Variants in KCNN2 observed in about 807,000 individuals in gnomAD.
The protein encoded by KCNN2 is small conductance calcium-activated potassium channel protein 2.
A neutral mutation model predicts 55.5 loss-of-function variants in KCNN2; 24 were observed. The observed-to-expected ratio is 0.43, with a 90% CI of 0.31 to 0.61. KCNN2 has a LOEUF of 0.61. Among genes scored for constraint, KCNN2 ranks in the 20% least tolerant of loss-of-function variants. The pLI, the probability that KCNN2 is intolerant of heterozygous loss-of-function variation, is 0.08. For missense variants in KCNN2, 754 were observed against 853.6 expected, an observed-to-expected ratio of 0.88 and a Z score of 1.45; for synonymous variants, 431 against 336.1, an observed-to-expected ratio of 1.28 and a Z score of -3.09.
At chr5:114,367,650 A>ATTT (rs577014520) in intron 2 of KCNN2, among the ~76,000 whole-genome samples, 1 of 143,412 alleles carries the variant, frequency 7.0e-6, no homozygotes. Context: ...TTTCAGTGAC[A>ATTT]TTTTTTTTTT....
intron 4 of KCNN2, among the ~76,000 whole-genome samples, chr5:114,465,606 C>CCAT (rs1466578183): frequency 6.8e-6 from 1 of 147,088 alleles, no homozygotes; most frequent in Non-Finnish European, 1.5e-5. Flanking sequence ...GAGTGAAACT[C>CCAT]CATCATCTCA....
intron 1 of KCNN2, among the ~76,000 whole-genome samples, chr5:114,106,068 C>T (rs997667682): frequency 6.6e-6 from 1 of 151,796 alleles, no homozygotes; most frequent in African/African-American, 2.4e-5. Context: ...CAACATTTTA[C>T]TAATGAAAAA....
intron 2 of KCNN2, among the ~76,000 whole-genome samples, chr5:114,385,517 GCGCACACACA>G (rs1382080058): frequency 5.8e-4 from 52 of 88,974 alleles, no homozygotes; most frequent in African/African-American, 2.7e-3. Context: ...ACACACATGC[GCGCACACACA>G]CACACACACA....
At chr5:114,257,320 G>A (rs1179158037) in intron 2 of KCNN2, among the ~76,000 whole-genome samples, 1 of 151,752 alleles carries the variant, frequency 6.6e-6, no homozygotes, top group East Asian at 1.9e-4. Context: ...CTTTTTCTTA[G>A]GATTGCTTTG....
At chr5:114,157,895 G>A (rs1303673433) in intron 1 of KCNN2, among the ~76,000 whole-genome samples, 2 of 151,058 alleles carry the variant, frequency 1.3e-5, no homozygotes, top group Admixed American at 6.6e-5. Flanking sequence ...TGTAGATTCT[G>A]GATATTAGCC....
At chr5:114,228,470 C>CCATCTATCTA (rs1754287026) in intron 2 of KCNN2, among the ~76,000 whole-genome samples, 1 of 152,082 alleles carries the variant, frequency 6.6e-6, no homozygotes, top group East Asian at 1.9e-4. Context: ...TAACTTTTAA[C>CCATCTATCTA]CATCTATCTA....
intron 2 of KCNN2, among the ~76,000 whole-genome samples, chr5:114,249,278 C>T (rs1167742784): frequency 7.3e-5 from 4 of 54,684 alleles, no homozygotes; most frequent in Admixed American, 2.2e-4. Context: ...CTTTTTCTTT[C>T]TTTCTTTCTT....
chr5:114,379,498 CATATT>C (rs1458619649), intron 2 of KCNN2, among the ~76,000 whole-genome samples: 62 of 107,718 alleles, frequency 5.8e-4, no homozygotes, highest in African/African-American at 2.2e-3. Flanking sequence ...TATTATATAA[CATATT>C]ATATATTTAT....
At chr5:114,069,034 C>T (rs1394804699) in intron 1 of KCNN2, among the ~76,000 whole-genome samples, 11 of 152,114 alleles carry the variant, frequency 7.2e-5, no homozygotes, top group African/African-American at 1.9e-4. Flanking sequence ...AGGCTGGCCT[C>T]GAACTCCTGA....
intron 1 of KCNN2, among the ~76,000 whole-genome samples, chr5:114,125,847 A>G (rs765217327): frequency 8.5e-5 from 13 of 152,172 alleles, no homozygotes; most frequent in Non-Finnish European, 1.6e-4. Flanking sequence ...CAGCAATCAT[A>G]GTGGATTGGG....
At chr5:114,125,194 C>T (rs543250231) in intron 1 of KCNN2, among the ~76,000 whole-genome samples, 1 of 152,174 alleles carries the variant, frequency 6.6e-6, no homozygotes, top group East Asian at 1.9e-4. Context: ...ACTTTTTGTA[C>T]CCTCATGGTA....
At chr5:114,160,337 G>T (rs916257655) in intron 1 of KCNN2, among the ~76,000 whole-genome samples, 2 of 152,128 alleles carry the variant, frequency 1.3e-5, no homozygotes, top group Admixed American at 1.3e-4. Flanking sequence ...TTATTCCTGA[G>T]TTCTAGTTTG....
At chr5:114,485,506 G>A (rs1463282250) in intron 5 of KCNN2, among the ~76,000 whole-genome samples, 1 of 152,126 alleles carries the variant, frequency 6.6e-6, no homozygotes, top group Non-Finnish European at 1.5e-5. Flanking sequence ...GATGAAAAAA[G>A]CTTCTGAAAG....
intron 2 of KCNN2, among the ~76,000 whole-genome samples, chr5:114,342,048 C>T (rs1315474243): frequency 6.6e-6 from 1 of 151,974 alleles, no homozygotes; most frequent in Non-Finnish European, 1.5e-5. Context: ...ACTACAGGCA[C>T]CCGCCACCAT....
At position 114,159,981 on chromosome 5, in the gene KCNN2, G is replaced by A. The variant is rs569910989; in HGVS notation, c.-270-61499G>A. 3.3e-5 allele frequency among the ~76,000 whole-genome samples: 5 copies of A among 152,136 alleles called. No homozygotes were observed. The East Asian group carries it at 9.7e-4, about 29-fold the overall frequency. The stretch of plus-strand genomic sequence containing the variant: ...TCCTGGATTCATTGATTTTTTGAGG[G>A]GTTTTTTGTGTCTCTGTTTCCTTCA... On this transcript the variant is annotated intron_variant, in intron 1 of 10. Coordinates refer to the KCNN2 transcript ENST00000512097.
intron 3 of KCNN2, among the ~76,000 whole-genome samples, chr5:114,427,580 C>T (rs1462876155): frequency 1.3e-5 from 2 of 152,222 alleles, no homozygotes; most frequent in African/African-American, 4.8e-5. Flanking sequence ...GAGCAGTTTA[C>T]ACCATTTGGT....
chr5:114,475,869 T>C (rs1473888254), intron 5 of KCNN2, among the ~76,000 whole-genome samples: 2 of 152,130 alleles, frequency 1.3e-5, no homozygotes, highest in Non-Finnish European at 2.9e-5. Flanking sequence ...ATGCTACAGC[T>C]TTTTTGTTGT....
intron 2 of KCNN2, among the ~76,000 whole-genome samples, chr5:114,233,525 C>G (rs573932509): frequency 3.3e-5 from 5 of 152,222 alleles, no homozygotes; most frequent in African/African-American, 9.6e-5. Context: ...TCCCTTGACT[C>G]TGTTTTATAA....
Position 114,404,688 on chromosome 5 carries a change from A to G in KCNN2, c.1469A>G (p.Lys490Arg). The change falls in exon 3 of 8, where the codon AAA becomes AGA. Residue 490 changes from lysine (K) to arginine (R), a missense_variant. Lys to Arg is a conservative substitution (Grantham distance 26). This residue lies in a region of KCNN2 where 86 missense variants were observed against 233.0 expected (regional missense o/e 0.37). Transcript: ENST00000673685. ...GCCAGAGTCATGCTTTTACATAGCA[A>G]ACTTTTCACTGATGCCTCCTCTAGA... is the stretch of plus-strand genomic sequence containing the variant. ...LIARVMLLHS[K>R]LFTDASSRSI... is the part of the protein sequence containing the mutation. 1.2e-6 allele frequency: 2 copies of G among 1,614,086 alleles called. No individual in the cohort carries two copies. The highest frequency in any genetic ancestry group is 1.7e-6 in the Non-Finnish European group (2 of 1,180,010).
Sources: gnomAD v4.1 joint callset for allele counts (sites outside exome capture counted in the v4.1 genomes callset) on GRCh38, gnomAD v4.1.1 for gene constraint, gnomAD v4.1.1 regional missense constraint, MANE v1.5 for transcripts, NCBI Gene and HGNC (gene_info 2026-07-23, HGNC 2026-07-21) for gene names.